TTC6: variants seen among roughly 807,000 people sequenced by gnomAD.
TTC6 encodes tetratricopeptide repeat protein 6.
TTC6 carries 172 observed loss-of-function variants against 210.4 expected under a neutral mutation model. That is an observed-to-expected ratio of 0.82 (90% CI 0.72 to 0.93). The LOEUF is 0.93. TTC6 is among the 40% of genes least tolerant of loss of function. The probability of loss-of-function intolerance (pLI) is 0.00; values close to 1 mark genes in which losing one functional copy is unlikely to be tolerated. For synonymous variants in TTC6, 804 were observed against 819.6 expected (o/e 0.98, Z 0.32); for missense variants, 2,414 against 2,318.1 (o/e 1.04, Z -0.85).
At chr14:37,697,875 T>C (rs1341480186) in intron 4 of TTC6, among the ~76,000 whole-genome samples, 1 of 152,122 alleles carries the variant, frequency 6.6e-6, no homozygotes, top group African/African-American at 2.4e-5. Flanking sequence ...TTGCATTTAG[T>C]GCATTAAGCA....
At chr14:37,661,389 GA>G (rs2095737052) in intron 1 of TTC6, among the ~76,000 whole-genome samples, 3 of 152,118 alleles carry the variant, frequency 2.0e-5, no homozygotes, top group Admixed American at 1.3e-4. Context: ...TCTGCAAATG[GA>G]TAGCCAGTTC....
intron 29 of TTC6, among the ~76,000 whole-genome samples, chr14:37,833,639 T>G (rs2096191215): frequency 6.6e-6 from 1 of 152,192 alleles, no homozygotes; most frequent in East Asian, 1.9e-4. Context: ...TTCTGTCATT[T>G]TGTTGTTTTC....
intron 25 of TTC6, among the ~76,000 whole-genome samples, chr14:37,814,442 A>G (rs1244350325): frequency 6.6e-6 from 1 of 152,200 alleles, no homozygotes; most frequent in Non-Finnish European, 1.5e-5. Flanking sequence ...TATTAAAAGA[A>G]TCCCAAATAA....
intron 2 of TTC6, among the ~76,000 whole-genome samples, chr14:37,613,738 A>C (rs1296102758): frequency 1.3e-5 from 2 of 151,642 alleles, no homozygotes; most frequent in Non-Finnish European, 2.9e-5. Context: ...CTAAATTGTT[A>C]GATGTTGTTG....
chr14:37,824,478 A>G (rs1422286132), intron 27 of TTC6, among the ~76,000 whole-genome samples: 1 of 152,212 alleles, frequency 6.6e-6, no homozygotes, highest in Non-Finnish European at 1.5e-5. Context: ...TGTTAAGATC[A>G]TCATCATTCA....
intron 5 of TTC6, among the ~76,000 whole-genome samples, chr14:37,702,753 T>G (rs1371684588): frequency 6.6e-6 from 1 of 152,196 alleles, no homozygotes; most frequent in Non-Finnish European, 1.5e-5. Context: ...TGAATGCATT[T>G]TCTCAAACTT....
chr14:37,778,688 C>A (rs2096045597), intron 14 of TTC6, among the ~76,000 whole-genome samples: 1 of 152,118 alleles, frequency 6.6e-6, no homozygotes, highest in Non-Finnish European at 1.5e-5. Context: ...TCTGCTGGAC[C>A]CCTCCAATAG....
rs1481215902 is a variant in TTC6 at position 37,792,424 on chromosome 14, G to T, written c.3708+10G>T. The stretch of plus-strand genomic sequence containing the variant: ...GGAAACCTATTTTAAGGTATTTAAG[G>T]CTCGAGAACCTTGATTTTTTTAAAA... On this transcript the variant is annotated intron_variant, in intron 17 of 30. Transcript: ENST00000553443. 2.1e-6 allele frequency: 3 copies of T among 1,455,572 alleles called. No individual in the cohort carries two copies. The highest frequency in any genetic ancestry group is 3.0e-5 in the Admixed American group (1 of 33,556). The allele number at this position is 1,455,572 out of a possible 1,614,324, so 90.2% of individuals were successfully genotyped here. A position where few individuals can be genotyped will look rare whatever the true frequency, so the allele number is the denominator to read the frequency against.
intron 14 of TTC6, among the ~76,000 whole-genome samples, chr14:37,762,289 G>C (rs1334084170): frequency 6.6e-6 from 1 of 152,120 alleles, no homozygotes; most frequent in Non-Finnish European, 1.5e-5. Flanking sequence ...AAGAAATGTG[G>C]AGTACAGATG....
intron 1 of TTC6, among the ~76,000 whole-genome samples, chr14:37,652,891 G>A (rs551457498): frequency 6.6e-6 from 1 of 152,296 alleles, no homozygotes; most frequent in South Asian, 2.1e-4. Flanking sequence ...TTAGGTAGAT[G>A]CCACAGGTAA....
chr14:37,772,935 T>C (rs1032662756), intron 14 of TTC6, among the ~76,000 whole-genome samples: 6 of 152,206 alleles, frequency 3.9e-5, no homozygotes, highest in Non-Finnish European at 5.9e-5. Flanking sequence ...ATTTTAATAA[T>C]AGCCATTCTG....
At chr14:37,698,287 T>A (rs1458285332) in intron 4 of TTC6, among the ~76,000 whole-genome samples, 1 of 152,230 alleles carries the variant, frequency 6.6e-6, no homozygotes, top group Non-Finnish European at 1.5e-5. Context: ...TATTGCAGCA[T>A]ATTGTTATTT....
rs1333335833 is a variant in TTC6, at chr14:37,598,759, C to T, written c.-235+2751C>T. Among the ~76,000 whole-genome samples the T allele has an allele frequency of 1.3e-5, 2 of 152,160 alleles. No individual in the cohort carries two copies. The highest frequency in any genetic ancestry group is 4.8e-5 in the African/African-American group (2 of 41,466). On this transcript the variant is annotated intron_variant, in intron 1 of 2. Coordinates refer to the TTC6 transcript ENST00000556845. This position sits in a 1 kb window ranked among gnomAD's most constrained non-coding sequence, Gnocchi z 4.9. ...GGGTTGGCAGACAGCAGGGCCTGGG[C>T]CGGCGGGGCTCTGCGGTGCCCATTC... is the stretch of plus-strand genomic sequence containing the variant.
chr14:37,622,620 G>C (rs2095653402), exon 1 of TTC6: 1 of 1,534,906 alleles, frequency 6.5e-7, no homozygotes, highest in South Asian at 1.2e-5. Context: ...AAGGGAGCGC[G>C]AACAGAGCCA....
intron 1 of TTC6, among the ~76,000 whole-genome samples, chr14:37,630,262 A>G (rs940662025): frequency 6.6e-6 from 1 of 152,280 alleles, no homozygotes; most frequent in African/African-American, 2.4e-5. Context: ...TGTATCCCAG[A>G]GATCCTAGTA....
chr14:37,672,192 C>T (rs2095759563), intron 1 of TTC6, among the ~76,000 whole-genome samples: 1 of 152,074 alleles, frequency 6.6e-6, no homozygotes, highest in Non-Finnish European at 1.5e-5. Context: ...TATATTAAAA[C>T]ATGAGATAAG....
At chr14:37,764,805 AT>A (rs902077875) in intron 14 of TTC6, among the ~76,000 whole-genome samples, 3 of 151,888 alleles carry the variant, frequency 2.0e-5, no homozygotes, top group African/African-American at 7.2e-5. Context: ...TAACTCTGCC[AT>A]TTTGCTATTT....
intron 9 of TTC6, 137 bp from the exon 12 acceptor site, chr14:37,738,639 A>T: frequency 1.3e-6 from 1 of 750,832 alleles, no homozygotes; most frequent in Non-Finnish European, 1.9e-6. Context: ...GAATAATTTT[A>T]AGAATACTGA....
At chr14:37,757,607 T>G (rs1367881772) in intron 14 of TTC6, among the ~76,000 whole-genome samples, 1 of 152,058 alleles carries the variant, frequency 6.6e-6, no homozygotes, top group East Asian at 1.9e-4. Context: ...GATCCATCTA[T>G]TTGTTAATCT....
Sources: allele counts gnomAD v4.1 joint callset (sites outside exome capture counted in the v4.1 genomes callset), GRCh38; gene constraint gnomAD v4.1.1; non-coding constraint Gnocchi (gnomAD v3.1); transcripts MANE v1.5; gene names NCBI Gene and HGNC (gene_info 2026-07-23, HGNC 2026-07-21).